The following PLXNA4 variants were observed in gnomAD, a reference collection of about 807,000 sequenced individuals.
PLXNA4 encodes the protein plexin A4, also known as plexin-A4.
PLXNA4 carries 44 observed loss-of-function variants against 191.8 expected under a neutral mutation model. That is an observed-to-expected ratio of 0.23 (90% confidence interval 0.18 to 0.29). PLXNA4 has a LOEUF of 0.29. Among genes scored for constraint, PLXNA4 ranks in the 10% least tolerant of loss-of-function variants. The pLI is 1.00. For missense variants in PLXNA4, 1,800 were observed against 2,488.8 expected (o/e 0.72, Z 5.89); for synonymous variants, 1,082 against 1,009.5 (o/e 1.07, Z -1.36).
intron 3 of PLXNA4, among the ~76,000 whole-genome samples, chr7:132,417,225 T>C (rs1198023332): frequency 1.3e-5 from 2 of 152,140 alleles, no homozygotes. Flanking sequence ...GGGGAGCCTC[T>C]GACAGCCAGA....
intron 25 of PLXNA4, among the ~76,000 whole-genome samples, chr7:132,154,827 C>T (rs765557454): frequency 2.6e-5 from 4 of 152,190 alleles, no homozygotes; most frequent in Non-Finnish European, 5.9e-5. Flanking sequence ...GCCCGGCAGC[C>T]GGATGCCCTG....
intron 1 of PLXNA4, among the ~76,000 whole-genome samples, chr7:132,571,691 C>T (rs1285833985): frequency 6.6e-6 from 1 of 152,164 alleles, no homozygotes; most frequent in African/African-American, 2.4e-5. Context: ...ACAATACCTA[C>T]CTTGCACAGC....
chr7:132,353,109 C>T (rs1803558272), intron 3 of PLXNA4, among the ~76,000 whole-genome samples: 1 of 152,186 alleles, frequency 6.6e-6, no homozygotes, highest in Non-Finnish European at 1.5e-5. Context: ...GTTTTTAGCT[C>T]TTCTGCCAGA....
intron 3 of PLXNA4, among the ~76,000 whole-genome samples, chr7:132,481,901 G>A (rs1219244489): frequency 6.6e-6 from 1 of 152,180 alleles, no homozygotes; most frequent in African/African-American, 2.4e-5. Context: ...TGTGGCGACT[G>A]CTTCACAGCC....
chr7:132,387,467 C>T (rs991349282), intron 3 of PLXNA4, among the ~76,000 whole-genome samples: 3 of 152,158 alleles, frequency 2.0e-5, no homozygotes, highest in Non-Finnish European at 2.9e-5. Flanking sequence ...GCAGGGTCTG[C>T]AGGCTGAAAT....
At chr7:132,587,309 T>C (rs764931411) in intron 2 of PLXNA4, among the ~76,000 whole-genome samples, 1 of 152,226 alleles carries the variant, frequency 6.6e-6, no homozygotes, top group Non-Finnish European at 1.5e-5. Flanking sequence ...CTGTGTAACT[T>C]CAAGATGTGA....
At chr7:132,311,195 C>CGCGT (rs147372626) in intron 3 of PLXNA4, among the ~76,000 whole-genome samples, 23,537 of 118,630 alleles carry the variant, frequency 0.2, 2,330 homozygotes, top group Admixed American at 0.33. Flanking sequence ...TGTGTGTGTG[C>CGCGT]GCGTGTGGCC....
intron 3 of PLXNA4, among the ~76,000 whole-genome samples, chr7:132,305,361 A>AACACACACAC (rs57158164): frequency 0.019 from 2,478 of 131,120 alleles, 73 homozygotes; most frequent in East Asian, 0.1. Context: ...GCTTACCAAG[A>AACACACACAC]ACACACACAC....
At chr7:132,358,807 AG>A (rs1462766804) in intron 3 of PLXNA4, among the ~76,000 whole-genome samples, 3 of 152,178 alleles carry the variant, frequency 2.0e-5, no homozygotes, top group Non-Finnish European at 4.4e-5. Flanking sequence ...TCTCATAGGC[AG>A]GGCTAGGGTG....
chr7:132,265,766 T>G (rs1471078011), intron 4 of PLXNA4, among the ~76,000 whole-genome samples: 2 of 152,138 alleles, frequency 1.3e-5, no homozygotes, highest in Non-Finnish European at 2.9e-5. Context: ...ACTATGACCC[T>G]GCCAGCCACA....
intron 1 of PLXNA4, among the ~76,000 whole-genome samples, chr7:132,548,714 G>A (rs999152122): frequency 2.6e-5 from 4 of 152,172 alleles, no homozygotes. Context: ...TAGGGGATGG[G>A]TAAAATGAGG....
chr7:132,633,029 T>C (rs1005205297), intron 2 of PLXNA4, among the ~76,000 whole-genome samples: 4 of 152,112 alleles, frequency 2.6e-5, no homozygotes, highest in African/African-American at 9.7e-5. Flanking sequence ...AAAACCTGTG[T>C]CTGCTCCTAT....
At chr7:132,181,709 C>T (rs964968097) in intron 17 of PLXNA4, 89 bp from the exon 18 acceptor site, 45 of 1,534,308 alleles carry the variant, frequency 2.9e-5, no homozygotes, top group Non-Finnish European at 3.8e-5. Context: ...TGGATGTCAT[C>T]GGGATAGCAA....
chr7:132,202,665 G>A lies in PLXNA4; in HGVS notation c.2567C>T (p.Thr856Ile). 2.6e-6 allele frequency: 4 copies of A among 1,543,308 alleles called. No individual in the cohort carries two copies. The highest frequency in any genetic ancestry group is 2.3e-5 in the East Asian group (1 of 42,596). The change falls in exon 12 of 32, where the codon ACA becomes ATA. Residue 856 changes from threonine to isoleucine, a missense_variant. Physicochemically the swap from Thr to Ile is moderately conservative, Grantham distance 89 (BLOSUM62 -1). Transcript: ENST00000321063. ...GCTTACCTCTGTGATGCGGGGGTTTGTGCACTTGCTTTTGGCACCAGACAG... is the reference window on the plus strand; with the variant it reads ...GCTTACCTCTGTGATGCGGGGGTTTATGCACTTGCTTTTGGCACCAGACAG... ...LELSGAKSKCTNPRITEIIPV... is the reference protein window; with the variant it reads ...LELSGAKSKCINPRITEIIPV...
chr7:132,234,143 A>T (rs2117008534), intron 5 of PLXNA4, among the ~76,000 whole-genome samples: 1 of 152,334 alleles, frequency 6.6e-6, no homozygotes, highest in Non-Finnish European at 1.5e-5. Context: ...CAGCAAAGGC[A>T]TCGCCACAGG....
At chr7:132,224,760 A>G (rs941653554) in intron 8 of PLXNA4, among the ~76,000 whole-genome samples, 2 of 152,004 alleles carry the variant, frequency 1.3e-5, no homozygotes, top group Middle Eastern at 3.2e-3. Context: ...GGCTAGAGTA[A>G]CTCATTTTTG....
chr7:132,460,053 A>T (rs1028090729), intron 3 of PLXNA4, among the ~76,000 whole-genome samples: 1 of 152,022 alleles, frequency 6.6e-6, no homozygotes, highest in Middle Eastern at 3.2e-3. Flanking sequence ...ATTCAGATAC[A>T]ACTGTTTAAA....
chr7:132,568,137 A>G (rs935263759), intron 1 of PLXNA4, among the ~76,000 whole-genome samples: 2 of 152,216 alleles, frequency 1.3e-5, no homozygotes, highest in African/African-American at 4.8e-5. Context: ...ACTTACAGGA[A>G]ATATTTTATG....
upstream of PLXNA4, among the ~76,000 whole-genome samples, chr7:132,578,304 TCCAGTAAGCATTCCCTGGGATAGGCAA>T (rs1374405460): frequency 6.6e-6 from 1 of 151,864 alleles, no homozygotes; most frequent in Non-Finnish European, 1.5e-5. Context: ...TTCAGCAGAG[TCCAGTAAGCATTCCCTGGGATAGGCAA>T]CCAGCAAGGA....
Sources: allele counts gnomAD v4.1 joint callset (sites outside exome capture counted in the v4.1 genomes callset), GRCh38; gene constraint gnomAD v4.1.1; transcripts MANE v1.5; gene names NCBI Gene and HGNC (gene_info 2026-07-23, HGNC 2026-07-21).